The following RORC variants were observed in gnomAD, a reference collection of about 807,000 sequenced individuals.
RORC encodes nuclear receptor ROR-gamma.
A neutral mutation model predicts 64.5 loss-of-function variants in RORC; 13 were observed. The ratio of observed to expected loss-of-function variants is 0.20; its 90% CI spans 0.13 to 0.32. The LOEUF is 0.32. RORC is among the 10% of genes least tolerant of loss of function. RORC has a pLI of 1.00. For synonymous variants in RORC, 277 were observed against 259.3 expected, an observed-to-expected ratio of 1.07 and a Z score of -0.65; for missense variants, 468 against 669.5, an observed-to-expected ratio of 0.70 and a Z score of 3.32.
chr1:151,816,104 T>C (rs567749940), intron 4 of RORC, among the ~76,000 whole-genome samples: 1 of 152,224 alleles, frequency 6.6e-6, no homozygotes, highest in South Asian at 2.1e-4. Flanking sequence ...CCCCCCCAGC[T>C]CCACCCTAGG....
intron 2 of RORC, among the ~76,000 whole-genome samples, chr1:151,823,809 T>TA (rs1265433980): frequency 1.1e-4 from 16 of 152,156 alleles, no homozygotes; most frequent in African/African-American, 3.6e-4. Context: ...CCCAGCGAAT[T>TA]AAAAAAAACT....
chr1:151,826,535 T>TG (rs1246817227), intron 2 of RORC, among the ~76,000 whole-genome samples: 2 of 152,162 alleles, frequency 1.3e-5, no homozygotes, highest in East Asian at 3.9e-4. Flanking sequence ...TGGTGCAGCC[T>TG]GGGGGGCTGT....
intron 2 of RORC, among the ~76,000 whole-genome samples, chr1:151,822,712 G>A (rs2101669936): frequency 6.6e-6 from 1 of 152,354 alleles, no homozygotes; most frequent in South Asian, 2.1e-4. Context: ...TGCTCCAGGA[G>A]GGTAGTGGAC....
At chr1:151,823,071 G>A (rs1251733784) in intron 2 of RORC, among the ~76,000 whole-genome samples, 1 of 152,216 alleles carries the variant, frequency 6.6e-6, no homozygotes, top group African/African-American at 2.4e-5. Context: ...GGGCTCGGTG[G>A]TTTGGTATTT....
chr1:151,819,736 G>C (rs971285381), intron 2 of RORC, among the ~76,000 whole-genome samples: 3 of 152,092 alleles, frequency 2.0e-5, no homozygotes, highest in Admixed American at 2.0e-4. Flanking sequence ...GCTTCTCCTG[G>C]CCCTAGGAAC....
intron 2 of RORC, among the ~76,000 whole-genome samples, chr1:151,826,369 ACTC>A (rs1391403348): frequency 6.6e-6 from 1 of 151,652 alleles, no homozygotes; most frequent in African/African-American, 2.4e-5. Flanking sequence ...CCAAATTTCT[ACTC>A]CTCCTACCCC....
At chr1:151,825,755 C>G (rs1652170216) in intron 2 of RORC, among the ~76,000 whole-genome samples, 1 of 152,198 alleles carries the variant, frequency 6.6e-6, no homozygotes, top group South Asian at 2.1e-4. Context: ...AGGGAGCCGC[C>G]TGGCCAGCAG....
At position 151,811,212 on chromosome 1, in the gene RORC, A is replaced by C. The variant is rs939595; in HGVS notation, c.1395+113T>G. The C allele has an allele frequency of 0.64, 384,814 of 599,494 alleles. 124,865 individuals carry two copies. The highest frequency in any genetic ancestry group is 0.75 in the South Asian group (33,691 of 44,936). The allele number at this position is 599,494 out of a possible 1,614,324, so 37.1% of individuals were successfully genotyped here. On this transcript the variant is annotated intron_variant, in intron 10 of 10. Coordinates refer to ENST00000318247, the MANE Select transcript of RORC (RefSeq NM_005060.4). The stretch of plus-strand genomic sequence containing the variant: ...TGCTGATGCAAGCTCTCTAACAGAG[A>C]GTGGTACTCCCGCACTCCCTCCTCT...
rs199924025 is a variant in RORC at position 151,806,902 on chromosome 1, G to T, written c.*570C>A. On this transcript the variant is annotated 3_prime_UTR_variant, in exon 11 of 11. Transcript: ENST00000318247. ...ATTTTTGGTTAGACCCCAGGTAAAG[G>T]GTAGGGTGCCCAAATACTTCCTTGC... 8.5e-5 allele frequency: 13 copies of T among 152,460 alleles called. No individual in the cohort carries two copies. Among genetic ancestry groups the T allele is most frequent in the Admixed American group, 6.5e-5 (1 of 15,286 alleles). The allele number at this position is 152,460 out of a possible 1,614,324, so 9.4% of individuals were successfully genotyped here.
rs1159778736 is a variant in RORC at position 151,807,496 on chromosome 1, C to T, written c.1533G>A (p.Glu511=). Residue 511 remains glutamate, a synonymous_variant, in exon 11 of 11, where the codon GAG becomes GAA. Transcript: ENST00000318247. This position sits in a 1 kb window ranked among gnomAD's most constrained non-coding sequence, Gnocchi z 5.0. ...LYKELFSTET[E]SPVGLSK ...GTCACTTGGACAGCCCCACAGGTGA[C>T]TCGGTTTCAGTGCTGAAGAGCTCCT... The T allele has an allele frequency of 6.2e-7, 1 of 1,614,204 alleles. No homozygotes were observed.
At position 151,814,898 on chromosome 1, in the gene RORC, T is replaced by TC; in HGVS notation, c.811+14dup. On this transcript the variant is annotated intron_variant, in intron 5 of 10. Transcript: ENST00000318247. ...CCTCATCTCTACCACCCTCTCCACC[T>TC]CCCCAGCTGCTCACCTATCTCTGTC... 1 of 1,607,006 alleles carries TC rather than the reference T, an allele frequency of 6.2e-7. No homozygotes were observed. Among genetic ancestry groups the TC allele is most frequent in the African/African-American group, 1.3e-5 (1 of 74,906 alleles).
intron 1 of RORC, chr1:151,831,018 AGCCTGTG>A: frequency 7.8e-7 from 1 of 1,289,316 alleles, no homozygotes; most frequent in Non-Finnish European, 1.0e-6. Flanking sequence ...CAGCTGACCA[AGCCTGTG>A]GCCCTGCGAT....
At chr1:151,817,611 G>T (rs768548176) in intron 2 of RORC, among the ~76,000 whole-genome samples, 1 of 152,046 alleles carries the variant, frequency 6.6e-6, no homozygotes, top group Non-Finnish European at 1.5e-5. Context: ...CCTCCCTCCC[G>T]CCTTGGGACA....
chr1:151,826,021 G>C lies in RORC; in HGVS notation c.70+3408C>G, dbSNP rs199755007. The C allele has an allele frequency of 3.6e-5, 58 of 1,600,722 alleles. No individual in the cohort carries two copies. The African/African-American group carries it at 6.3e-4, about 17-fold the overall frequency. The stretch of plus-strand genomic sequence containing the variant: ...GGAGTGGGGTGCAGCTGGCGGCAGA[G>C]GCGGGGCGAGGCCCTCTCAGCAGCG... On this transcript the variant is annotated intron_variant, in intron 2 of 10. Transcript: ENST00000318247.
In RORC at chr1:151,813,691, C is replaced by T. The variant is rs963514970; in HGVS notation, c.934-71G>A. On this transcript the variant is annotated intron_variant, in intron 6 of 10. Coordinates refer to ENST00000318247, the MANE Select transcript of RORC (RefSeq NM_005060.4). ...TGTGATCCTCCTGAGCCCTGGAGCC[C>T]CACCTAATAAACTGCAAGGGGTAGG... The T allele has an allele frequency of 2.6e-6, 4 of 1,557,002 alleles. No homozygotes were observed. In the East Asian group the frequency reaches 9.2e-5, roughly 36 times the overall value.
rs139187261 is a variant in RORC at position 151,815,195 on chromosome 1, G to A, written c.529C>T (p.Leu177=). The A allele has an allele frequency of 1.2e-5, 19 of 1,613,938 alleles. No individual in the cohort carries two copies. In the African/African-American group the frequency reaches 2.1e-4, roughly 18 times the overall value. ...GAGGGCCCAGAGCCTGAGGCTTTCA[G>A]GAGGCCAGGGGGACAGGCAGAAGCC... is the stretch of plus-strand genomic sequence containing the variant. ...PEASACPPGL[L]KASGSGPSYS... The change falls in exon 5 of 11, where the codon CTG becomes TTG. Residue 177 remains leucine, a synonymous_variant. Transcript: ENST00000318247.
In RORC at chr1:151,817,339, T is replaced by C. The variant is rs1651804354; in HGVS notation, c.71-59A>G. The stretch of plus-strand genomic sequence containing the variant: ...GAGGCTTTTCTGCATTCAACCACCA[T>C]GTACCTGGGCTGCAGATACAGGTAC... On this transcript the variant is annotated intron_variant, in intron 2 of 10. Transcript: ENST00000318247. The C allele has an allele frequency of 2.5e-6, 3 of 1,195,606 alleles. No individual in the cohort carries two copies. In the East Asian group the frequency reaches 7.0e-5, roughly 28 times the overall value. 74.1% of individuals were successfully genotyped at this position (1,195,606 alleles called of 1,614,324 possible).
intron 2 of RORC, among the ~76,000 whole-genome samples, chr1:151,822,067 GA>G (rs1652012360): frequency 1.3e-5 from 2 of 152,036 alleles, no homozygotes; most frequent in African/African-American, 4.8e-5. Context: ...TCCCTTTGCA[GA>G]ATGAATGAAT....
chr1:151,816,685 C>T lies in RORC; in HGVS notation c.277G>A (p.Ala93Thr), dbSNP rs1462507379. 7 of 1,606,142 alleles carry T rather than the reference C, an allele frequency of 4.4e-6. No homozygotes were observed. Among genetic ancestry groups the T allele is most frequent in the Non-Finnish European group, 5.1e-6 (6 of 1,176,668 alleles). The part of the protein sequence containing the change: ...CQHCRLQKCL[A>T]LGMSRDAVKF... ...TCACCATCTCGGGACATGCCCAGCG[C>T]CAGGCATTTCTGCAGGCGGCAGTGC... Residue 93 changes from alanine (A) to threonine (T), a missense_variant, in exon 4 of 11, where the codon GCG becomes ACG. Around this residue, in one of 5 missense-constraint regions of RORC, gnomAD observed 241 missense variants for 295.5 expected, o/e 0.82. Transcript: ENST00000318247.
Sources: allele counts gnomAD v4.1 joint callset (sites outside exome capture counted in the v4.1 genomes callset), GRCh38; gene constraint gnomAD v4.1.1; regional missense constraint gnomAD v4.1.1; non-coding constraint Gnocchi (gnomAD v3.1); transcripts MANE v1.5; gene names NCBI Gene and HGNC (gene_info 2026-07-23, HGNC 2026-07-21).